Variants in SOX6 observed in about 807,000 individuals in gnomAD.
SOX6 encodes SRY-box transcription factor 6.
SOX6 carries 11 observed loss-of-function variants against 97.8 expected under a neutral mutation model. The observed-to-expected ratio is 0.11, with a 90% CI of 0.07 to 0.19. The LOEUF (loss-of-function observed/expected upper bound fraction) is 0.19, where lower values mean the gene tolerates loss of function less well. SOX6 is among the 10% of genes least tolerant of loss of function. The pLI, the probability that SOX6 is intolerant of heterozygous loss-of-function variation, is 1.00. For synonymous variants in SOX6, 360 were observed against 371.4 expected (o/e 0.97, Z 0.35); for missense variants, 810 against 1,039.5 (o/e 0.78, Z 3.04).
At chr11:16,497,710 G>C (rs1860626077) in intron 4 of SOX6, among the ~76,000 whole-genome samples, 1 of 151,000 alleles carries the variant, frequency 6.6e-6, no homozygotes, top group African/African-American at 2.4e-5. Context: ...TGGAAGAAAG[G>C]GAATCAGTGA....
At chr11:16,298,476 T>C (rs959007259) in intron 3 of SOX6, among the ~76,000 whole-genome samples, 1 of 152,070 alleles carries the variant, frequency 6.6e-6, no homozygotes, top group Non-Finnish European at 1.5e-5. Context: ...ACCTATGTGA[T>C]GCAAATAAAT....
At chr11:16,372,738 G>C (rs1299919525) in intron 1 of SOX6, among the ~76,000 whole-genome samples, 1 of 152,114 alleles carries the variant, frequency 6.6e-6, no homozygotes, top group Non-Finnish European at 1.5e-5. Context: ...AACCACCCTT[G>C]AGATGTTGAT....
chr11:16,231,842 CATAAT>C (rs2134172008), intron 4 of SOX6, among the ~76,000 whole-genome samples: 1 of 151,636 alleles, frequency 6.6e-6, no homozygotes, highest in Non-Finnish European at 1.5e-5. Context: ...CAGGAAAATT[CATAAT>C]ATATCATTAA....
At chr11:16,436,636 T>C (rs545403096) in intron 1 of SOX6, among the ~76,000 whole-genome samples, 1 of 152,322 alleles carries the variant, frequency 6.6e-6, no homozygotes, top group Non-Finnish European at 1.5e-5. Flanking sequence ...AGTTAATCTT[T>C]CTAACTCTCA....
intron 9 of SOX6, among the ~76,000 whole-genome samples, chr11:16,088,639 C>T (rs1032739621): frequency 6.6e-6 from 1 of 152,110 alleles, no homozygotes; most frequent in African/African-American, 2.4e-5. Context: ...TCTAATGATA[C>T]AATAAGTGTT....
intron 3 of SOX6, among the ~76,000 whole-genome samples, chr11:16,705,173 G>A (rs938581608): frequency 1.1e-4 from 16 of 151,822 alleles, no homozygotes; most frequent in African/African-American, 3.6e-4. Flanking sequence ...CAGGAGAATC[G>A]CTTGAACCCA....
chr11:16,456,482 G>C lies in SOX6; in HGVS notation c.-5+19833C>G, dbSNP rs537232307. On this transcript the variant is annotated intron_variant, in intron 1 of 15. Transcript: ENST00000396356. ...ACCAAGGAAACCACTATTGAGGCCA[G>C]ACTGAGGTTTATAAATGCAAAGAAC... Among the ~76,000 whole-genome samples the C allele has an allele frequency of 7.9e-5, 12 of 152,200 alleles. No homozygotes were observed. The South Asian group carries it at 8.3e-4, about 11-fold the overall frequency.
At chr11:16,026,523 T>G (rs578165983) in intron 12 of SOX6, among the ~76,000 whole-genome samples, 1 of 152,202 alleles carries the variant, frequency 6.6e-6, no homozygotes, top group African/African-American at 2.4e-5. Flanking sequence ...AGACTCATTA[T>G]GGTGGCACTA....
Position 16,642,890 on chromosome 11 carries a change from G to A in SOX6, n.430-30630C>T, listed in dbSNP as rs191274722. ...TCCTTTAGCTCAGAGAAGTTTGATC[G>A]TCTGAAGCCTTCTTCTCTGAACTCA... is the stretch of plus-strand genomic sequence containing the variant. On this transcript the variant is annotated intron_variant and non_coding_transcript_variant, in intron 3 of 5. Coordinates refer to the SOX6 transcript ENST00000524520. Among the ~76,000 whole-genome samples, 18 of 151,854 alleles carry A rather than the reference G, an allele frequency of 1.2e-4. No homozygotes were observed. The East Asian group carries it at 1.4e-3, about 11-fold the overall frequency.
intron 4 of SOX6, chr11:16,484,185 T>G: frequency 1.3e-6 from 1 of 794,324 alleles, no homozygotes; most frequent in Non-Finnish European, 2.3e-6. Context: ...TGGAAATGGT[T>G]GAAGTTGGAG....
chr11:16,601,966 C>T (rs1176948534), intron 4 of SOX6, among the ~76,000 whole-genome samples: 1 of 152,028 alleles, frequency 6.6e-6, no homozygotes, highest in Non-Finnish European at 1.5e-5. Context: ...TGAAAAAATG[C>T]CCAACAGACA....
At chr11:16,240,264 C>T (rs1853145086) in intron 3 of SOX6, among the ~76,000 whole-genome samples, 1 of 135,418 alleles carries the variant, frequency 7.4e-6, no homozygotes, top group East Asian at 2.3e-4. Context: ...AACCACTTTA[C>T]TAGATAATAT....
At chr11:16,475,516 G>A (rs1041527967) in intron 1 of SOX6, among the ~76,000 whole-genome samples, 11 of 152,148 alleles carry the variant, frequency 7.2e-5, no homozygotes, top group Non-Finnish European at 1.0e-4. Context: ...GAGAGGGATG[G>A]AAGAACAGCC....
intron 4 of SOX6, among the ~76,000 whole-genome samples, chr11:16,547,242 T>C (rs55684437): frequency 0.11 from 17,222 of 152,046 alleles, 1,022 homozygotes; most frequent in Non-Finnish European, 0.14. Context: ...AACCATATCA[T>C]CCAGCAATCT....
At chr11:16,368,599 T>A (rs1282622480) in intron 1 of SOX6, among the ~76,000 whole-genome samples, 1 of 152,178 alleles carries the variant, frequency 6.6e-6, no homozygotes, top group Non-Finnish European at 1.5e-5. Context: ...TGCTTATTTT[T>A]AAAATTAATT....
intron 7 of SOX6, among the ~76,000 whole-genome samples, chr11:16,102,765 C>T (rs919649060): frequency 2.5e-4 from 38 of 151,992 alleles, no homozygotes; most frequent in African/African-American, 8.9e-4. Flanking sequence ...CAGACAAAAA[C>T]ATAAAATGGG....
rs531531939 is a variant in SOX6, at chr11:16,287,572, C to T, written c.445+30874G>A. ...AAGTATTAAGTGCCCTAAAGTTTTA[C>T]TCCAGCTCCCCATTTACCAGCTATT... is the stretch of plus-strand genomic sequence containing the variant. On this transcript the variant is annotated intron_variant, in intron 3 of 15. Transcript: ENST00000683767. 5.9e-5 allele frequency among the ~76,000 whole-genome samples: 9 copies of T among 152,208 alleles called. No homozygotes were observed. The South Asian group carries it at 1.9e-3, about 32-fold the overall frequency.
At chr11:16,304,805 A>T (rs2134279573) in intron 3 of SOX6, among the ~76,000 whole-genome samples, 1 of 152,274 alleles carries the variant, frequency 6.6e-6, no homozygotes, top group East Asian at 1.9e-4. Context: ...TTTGCAAAGC[A>T]ATTCAATGGA....
At chr11:16,449,410 C>T (rs1338003525) in intron 1 of SOX6, among the ~76,000 whole-genome samples, 3 of 149,792 alleles carry the variant, frequency 2.0e-5, no homozygotes, top group Non-Finnish European at 3.0e-5. Flanking sequence ...CTCCTGCCTC[C>T]GCCTCCTGAG....
Sources: gnomAD v4.1 joint callset for allele counts (sites outside exome capture counted in the v4.1 genomes callset) on GRCh38, gnomAD v4.1.1 for gene constraint, MANE v1.5 for transcripts, NCBI Gene and HGNC (gene_info 2026-07-23, HGNC 2026-07-21) for gene names.